BZW2: variants seen among roughly 807,000 people sequenced by gnomAD.
BZW2 encodes basic leucine zipper and W2 domains 2, also known as eIF5-mimic protein 1.
In BZW2, 23 loss-of-function variants were observed where a neutral mutation model predicts 53.2. The observed-to-expected ratio is 0.43, with a 90% CI of 0.31 to 0.61. The LOEUF is 0.61. BZW2 is among the 20% of genes least tolerant of loss of function. BZW2 has a pLI of 0.09. For missense variants in BZW2, 409 were observed against 503.1 expected, an observed-to-expected ratio of 0.81 and a Z score of 1.79; for synonymous variants, 227 against 186.4, an observed-to-expected ratio of 1.22 and a Z score of -1.77.
chr7:16,685,774 C>T, intron 5 of BZW2, 131 bp from the exon 6 acceptor site: 1 of 1,167,550 alleles, frequency 8.6e-7, no homozygotes, highest in South Asian at 1.7e-5. Context: ...TGCATATGAC[C>T]TTCTGTTTGT....
intron 5 of BZW2, 56 bp from the exon 6 acceptor site, chr7:16,685,849 G>C: frequency 6.8e-7 from 1 of 1,477,234 alleles, no homozygotes; most frequent in Non-Finnish European, 8.9e-7. Flanking sequence ...TCATAGACAT[G>C]GTTCCTTTTT....
chr7:16,665,390 TA>T, intron 1 of BZW2, 46 bp from the exon 2 acceptor site: 1 of 1,611,976 alleles, frequency 6.2e-7, no homozygotes, highest in African/African-American at 1.3e-5. Context: ...GTTTTCCATA[TA>T]AACTGCTTAT....
chr7:16,674,367 A>G (rs747239471), intron 2 of BZW2, 45 bp from the exon 3 acceptor site: 17 of 1,354,536 alleles, frequency 1.3e-5, no homozygotes, highest in Non-Finnish European at 1.7e-5. Context: ...TACTCTCAGT[A>G]TTTATTTATT....
At chr7:16,646,464 T>G (rs905543829) in intron 1 of BZW2, among the ~76,000 whole-genome samples, 176 bp downstream of exon 1, 2 of 152,020 alleles carry the variant, frequency 1.3e-5, no homozygotes, top group Non-Finnish European at 2.9e-5. Context: ...TCACGGCGCG[T>G]ACGGGGTATC....
intron 3 of BZW2, 64 bp downstream of exon 3, chr7:16,674,652 C>A: frequency 7.8e-7 from 1 of 1,276,374 alleles, no homozygotes; most frequent in Non-Finnish European, 1.0e-6. Flanking sequence ...TGAAGTATTT[C>A]CTTATAAGAT....
intron 8 of BZW2, among the ~76,000 whole-genome samples, chr7:16,696,623 C>G (rs575561507): frequency 6.6e-6 from 1 of 152,198 alleles, no homozygotes; most frequent in Non-Finnish European, 1.5e-5. Flanking sequence ...CTCTACTAGA[C>G]TCAAAGGGGT....
intron 1 of BZW2, among the ~76,000 whole-genome samples, chr7:16,664,477 G>C (rs542386684): frequency 6.6e-6 from 1 of 152,296 alleles, no homozygotes; most frequent in South Asian, 2.1e-4. Context: ...AAGAGAGGCA[G>C]GAACAGAGCC....
chr7:16,698,989 C>G (rs1321690724), intron 10 of BZW2, among the ~76,000 whole-genome samples: 1 of 152,102 alleles, frequency 6.6e-6, no homozygotes, highest in Non-Finnish European at 1.5e-5. Flanking sequence ...CTAAATTTGT[C>G]TCTTTTGAAT....
chr7:16,655,180 A>G (rs989327106), intron 1 of BZW2, among the ~76,000 whole-genome samples: 1 of 152,206 alleles, frequency 6.6e-6, no homozygotes, highest in Non-Finnish European at 1.5e-5. Flanking sequence ...GAAATTTCTC[A>G]TCATTGAGTA....
intron 5 of BZW2, 152 bp from the exon 6 acceptor site, chr7:16,685,753 T>G: frequency 1.0e-6 from 1 of 978,068 alleles, no homozygotes; most frequent in East Asian, 2.7e-5. Flanking sequence ...ATGAAATGAA[T>G]TACTATGCTT....
Position 16,689,890 on chromosome 7 carries a change from TA to T in BZW2, c.636del (p.Asp213ThrfsTer71). ...ACCTCGTCTTTGAGAAAAGCCAACT[TA>T]GACAAGAGGCTGCTTGTAAGTGTTT... ...SVTSSLRKAN[L>X]DKRLLELFPV... is the part of the protein sequence containing the mutation. On this transcript the variant is annotated frameshift_variant, in exon 7 of 12. Coordinates refer to ENST00000258761, the MANE Select transcript of BZW2 (RefSeq NM_014038.3). LOFTEE classifies it high-confidence loss of function. The T allele has an allele frequency of 6.2e-7, 1 of 1,610,802 alleles. No individual in the cohort carries two copies.
intron 5 of BZW2, among the ~76,000 whole-genome samples, chr7:16,683,497 G>A (rs818500): frequency 0.51 from 76,942 of 151,908 alleles, 23,122 homozygotes; most frequent in African/African-American, 0.86. Context: ...AAAGCCTATG[G>A]AAGAATGTAG....
intron 8 of BZW2, among the ~76,000 whole-genome samples, chr7:16,695,402 TG>T: frequency 6.6e-6 from 1 of 152,362 alleles, no homozygotes; most frequent in Non-Finnish European, 1.5e-5. Flanking sequence ...CTGGATTTTT[TG>T]TTCATCACTC....
At chr7:16,647,363 T>C (rs575402429) in intron 1 of BZW2, among the ~76,000 whole-genome samples, 1 of 152,350 alleles carries the variant, frequency 6.6e-6, no homozygotes, top group African/African-American at 2.4e-5. Context: ...CCACTGTTTC[T>C]TCTCATAGCG....
chr7:16,649,579 C>G (rs1335861595), intron 1 of BZW2, among the ~76,000 whole-genome samples: 1 of 152,118 alleles, frequency 6.6e-6, no homozygotes, highest in African/African-American at 2.4e-5. Context: ...AGAATGCTGC[C>G]TTTTTGTTGC....
chr7:16,669,038 CAA>C (rs1341006597), intron 2 of BZW2, among the ~76,000 whole-genome samples: 2 of 152,100 alleles, frequency 1.3e-5, no homozygotes, highest in East Asian at 1.9e-4. Flanking sequence ...TTAGTGAAAA[CAA>C]GAGAGAGAAA....
chr7:16,683,078 C>T (rs941932042), intron 5 of BZW2, among the ~76,000 whole-genome samples: 16 of 152,094 alleles, frequency 1.1e-4, no homozygotes, highest in African/African-American at 3.6e-4. Context: ...CACCTGTAAT[C>T]CCAGCTAACT....
Position 16,681,540 on chromosome 7 carries a change from A to G in BZW2, c.339+136A>G, listed in dbSNP as rs1782946385. 6.9e-6 allele frequency: 5 copies of G among 720,348 alleles called. No individual in the cohort carries two copies. The South Asian group carries it at 7.7e-5, about 11-fold the overall frequency. 44.6% of individuals were successfully genotyped at this position (720,348 alleles called of 1,614,324 possible). On this transcript the variant is annotated intron_variant, in intron 4 of 11. Transcript: ENST00000258761. ...TATGAAAATAATGGGCATTAAAACT[A>G]CAAAAATAGGCCTAGCAGTGTGGCT...
chr7:16,681,202 C>G, intron 3 of BZW2, 99 bp from the exon 4 acceptor site: 1 of 936,270 alleles, frequency 1.1e-6, no homozygotes, highest in South Asian at 1.6e-5. Context: ...TTTACATCTA[C>G]TTTGATTATT....
Sources: allele counts gnomAD v4.1 joint callset (sites outside exome capture counted in the v4.1 genomes callset), GRCh38; gene constraint gnomAD v4.1.1; transcripts MANE v1.5; gene names NCBI Gene and HGNC (gene_info 2026-07-23, HGNC 2026-07-21).